SHB: variants seen among roughly 807,000 people sequenced by gnomAD.
SHB encodes the protein SH2 domain-containing adapter protein B.
Under a neutral mutation model 52.3 loss-of-function variants are expected in SHB, and 20 were observed. The observed-to-expected ratio is 0.38, with a 90% CI of 0.27 to 0.56. SHB has a LOEUF of 0.56. SHB is among the 20% of genes least tolerant of loss of function. The pLI is 0.71. For synonymous variants in SHB, 397 were observed against 316.5 expected, an observed-to-expected ratio of 1.25 and a Z score of -2.70; for missense variants, 825 against 723.3, an observed-to-expected ratio of 1.14 and a Z score of -1.61.
chr9:38,013,426 ACCCCGT>A (rs1821167577), intron 2 of SHB, among the ~76,000 whole-genome samples: 1 of 151,900 alleles, frequency 6.6e-6, no homozygotes, highest in Non-Finnish European at 1.5e-5. Context: ...ACACAGTGAG[ACCCCGT>A]CTCTACTAAA....
In SHB at chr9:37,974,972, G is replaced by T. The variant is rs1564092225; in HGVS notation, c.839-135C>A. The T allele has an allele frequency of 1.6e-5, 12 of 760,494 alleles. No homozygotes were observed. In the East Asian group the frequency reaches 3.2e-4, roughly 20 times the overall value. The allele number at this position is 760,494 out of a possible 1,614,324, so 47.1% of individuals were successfully genotyped here. A position where few individuals can be genotyped will look rare whatever the true frequency, so the allele number is the denominator to read the frequency against. On this transcript the variant is annotated intron_variant, in intron 2 of 5. Transcript: ENST00000377707. ...CGACAGAGAGACAGACCCCTGTCTG[G>T]GTTTTACCCACCCCACCAACCCCCA... is the stretch of plus-strand genomic sequence containing the variant.
At chr9:37,983,831 T>C (rs1188322224) in intron 2 of SHB, among the ~76,000 whole-genome samples, 1 of 152,214 alleles carries the variant, frequency 6.6e-6, no homozygotes, top group African/African-American at 2.4e-5. Context: ...CAGGAAGGGC[T>C]GCATTACTGG....
chr9:37,960,977 G>A (rs533886241), intron 3 of SHB, among the ~76,000 whole-genome samples: 3 of 152,294 alleles, frequency 2.0e-5, no homozygotes, highest in Admixed American at 2.0e-4. Context: ...GAGGGCTGCT[G>A]GTCTGGCAGG....
intron 1 of SHB, among the ~76,000 whole-genome samples, chr9:38,055,765 C>T (rs1373482146): frequency 6.6e-6 from 1 of 152,128 alleles, no homozygotes; most frequent in Non-Finnish European, 1.5e-5. Context: ...CTGAACGCTA[C>T]ACCCACTCTG....
chr9:37,967,151 C>A (rs1398703768), intron 3 of SHB, among the ~76,000 whole-genome samples: 24 of 152,172 alleles, frequency 1.6e-4, no homozygotes, highest in Admixed American at 1.6e-3. Context: ...TGAAGTGAAC[C>A]CTACCTTGCA....
chr9:37,957,376 C>T (rs1471236141), intron 3 of SHB, among the ~76,000 whole-genome samples: 1 of 152,212 alleles, frequency 6.6e-6, no homozygotes, highest in Non-Finnish European at 1.5e-5. Flanking sequence ...CTGCTGAAAC[C>T]GAGGAGCGTG....
intron 1 of SHB, among the ~76,000 whole-genome samples, chr9:38,062,938 G>A (rs993053294): frequency 3.3e-5 from 5 of 152,178 alleles, no homozygotes; most frequent in African/African-American, 1.2e-4. Flanking sequence ...ATCAAACCAC[G>A]GGCGGTTTTG....
intron 1 of SHB, among the ~76,000 whole-genome samples, chr9:38,019,861 C>T (rs1424263722): frequency 6.6e-6 from 1 of 152,034 alleles, no homozygotes; most frequent in Non-Finnish European, 1.5e-5. Context: ...GTGCTAGTTC[C>T]ATACGATGTA....
In SHB at chr9:37,917,117, G is replaced by T. The variant is rs1832110138; in HGVS notation, c.*2704C>A. 1.3e-5 allele frequency among the ~76,000 whole-genome samples: 2 copies of T among 151,518 alleles called. No individual in the cohort carries two copies. Among genetic ancestry groups the T allele is most frequent in the Admixed American group, 1.3e-4 (2 of 15,240 alleles). ...ATGTGAGTGTTTCTGAAAGGGAAAAGCTGTTTCAATTGTTAGATGTCCAAG... is the reference window on the plus strand; with the variant it reads ...ATGTGAGTGTTTCTGAAAGGGAAAATCTGTTTCAATTGTTAGATGTCCAAG... On this transcript the variant is annotated 3_prime_UTR_variant, in exon 6 of 6. Coordinates refer to ENST00000377707, the MANE Select transcript of SHB (RefSeq NM_003028.3).
At chr9:38,067,842 G>C in intron 1 of SHB, 87 bp downstream of exon 1, 1 of 1,328,430 alleles carries the variant, frequency 7.5e-7, no homozygotes, top group Non-Finnish European at 9.7e-7. Flanking sequence ...CTGAAGTAGA[G>C]ACTCAACACC....
intron 4 of SHB, among the ~76,000 whole-genome samples, chr9:37,952,195 G>A (rs16934664): frequency 0.025 from 3,755 of 152,328 alleles, 87 homozygotes; most frequent in East Asian, 0.089. Flanking sequence ...CAAGGGTTAT[G>A]CAGGCATCCT....
intron 2 of SHB, among the ~76,000 whole-genome samples, chr9:37,993,846 C>T (rs909673705): frequency 3.3e-5 from 5 of 152,088 alleles, no homozygotes; most frequent in South Asian, 2.1e-4. Flanking sequence ...AGGAAGCTGA[C>T]GATACAGAAC....
intron 3 of SHB, 102 bp from the exon 4 acceptor site, chr9:37,956,156 C>T (rs964747465): frequency 2.7e-6 from 3 of 1,102,408 alleles, no homozygotes; most frequent in African/African-American, 3.2e-5. Context: ...TGGCAATTTA[C>T]AGCTTGCAGG....
At chr9:37,935,950 C>T (rs1476118709) in intron 5 of SHB, among the ~76,000 whole-genome samples, 2 of 151,506 alleles carry the variant, frequency 1.3e-5, no homozygotes, top group African/African-American at 2.4e-5. Context: ...TATTATAGGC[C>T]GGGCGACTTT....
chr9:37,930,423 G>GCC (rs998419470), intron 5 of SHB, among the ~76,000 whole-genome samples: 4 of 152,152 alleles, frequency 2.6e-5, no homozygotes, highest in African/African-American at 9.7e-5. Context: ...ATGTGGCAGG[G>GCC]GGAGGGGACA....
intron 3 of SHB, among the ~76,000 whole-genome samples, chr9:37,956,745 G>A (rs1325946439): frequency 2.0e-5 from 3 of 152,196 alleles, no homozygotes; most frequent in African/African-American, 2.4e-5. Context: ...AGCAGAAAGC[G>A]CTGAGCTAAA....
intron 1 of SHB, among the ~76,000 whole-genome samples, chr9:38,045,594 G>C (rs575797871): frequency 1.3e-5 from 2 of 152,244 alleles, no homozygotes; most frequent in African/African-American, 4.8e-5. Context: ...CTGGACAACA[G>C]AGTGAGACCC....
chr9:37,946,199 C>T (rs1316546859), intron 5 of SHB, among the ~76,000 whole-genome samples: 1 of 152,238 alleles, frequency 6.6e-6, no homozygotes, highest in Admixed American at 6.5e-5. Flanking sequence ...GAGGCCCGTC[C>T]TCTACCTTCC....
intron 4 of SHB, among the ~76,000 whole-genome samples, chr9:37,952,736 T>G (rs1247934579): frequency 1.3e-5 from 2 of 151,590 alleles, no homozygotes; most frequent in Non-Finnish European, 2.9e-5. Context: ...GGAATCAAGA[T>G]GATGACGGGT....
Sources: allele counts gnomAD v4.1 joint callset (sites outside exome capture counted in the v4.1 genomes callset), GRCh38; gene constraint gnomAD v4.1.1; transcripts MANE v1.5; gene names NCBI Gene and HGNC (gene_info 2026-07-23, HGNC 2026-07-21).